Variants in CNGB1 observed in about 807,000 individuals in gnomAD.
CNGB1 encodes the protein cyclic nucleotide-gated channel beta-1.
Under a neutral mutation model 151.7 loss-of-function variants are expected in CNGB1, and 126 were observed. That is an observed-to-expected ratio of 0.83 (90% CI 0.72 to 0.96). The LOEUF (loss-of-function observed/expected upper bound fraction) is 0.96. CNGB1 is among the 40% of genes least tolerant of loss of function. The pLI, the probability that CNGB1 is intolerant of heterozygous loss-of-function variation, is 0.00. For missense variants in CNGB1, 1,698 were observed against 1,627.0 expected (o/e 1.04, Z -0.75); for synonymous variants, 623 against 635.1 (o/e 0.98, Z 0.29).
intron 25 of CNGB1, among the ~76,000 whole-genome samples, chr16:57,909,473 C>G (rs1173102153): frequency 6.6e-6 from 1 of 152,184 alleles, no homozygotes; most frequent in East Asian, 1.9e-4. Flanking sequence ...GCAACCTCCC[C>G]CTTCCGGGTT....
chr16:57,884,531 T>C, intron 32 of CNGB1, 74 bp from the exon 33 acceptor site: 2 of 1,549,548 alleles, frequency 1.3e-6, no homozygotes, highest in South Asian at 1.1e-5. Context: ...GACACCTCCC[T>C]GTTCCAGCCT....
Position 57,933,724 on chromosome 16 carries a change from CTT to C in CNGB1, c.1373-1848_1373-1847del, listed in dbSNP as rs5817126. Among the ~76,000 whole-genome samples the C allele has an allele frequency of 3.5e-3, 423 of 119,562 alleles. 1 individual carries two copies. The highest frequency in any genetic ancestry group is 8.9e-3 in the African/African-American group (309 of 34,646). The allele number at this position is 119,562 out of a possible 152,430, so 78.4% of individuals were successfully genotyped here. ...TGTTTCTTTTTCTTTCTTTTCTTTT[CTT>C]TTTTTTTTTTTTTTGAGATGGAGTC... On this transcript the variant is annotated intron_variant, in intron 16 of 32. Coordinates refer to ENST00000251102, the MANE Select transcript of CNGB1 (RefSeq NM_001297.5).
At chr16:57,914,505 A>G (rs1487106256) in intron 23 of CNGB1, among the ~76,000 whole-genome samples, 1 of 152,128 alleles carries the variant, frequency 6.6e-6, no homozygotes, top group African/African-American at 2.4e-5. Context: ...CATTTTTTGT[A>G]AATTCCCTCA....
At position 57,919,151 on chromosome 16, in the gene CNGB1, T is replaced by C. The variant is rs1159903994; in HGVS notation, c.1905A>G (p.Lys635=). 1 of 1,614,066 alleles carries C rather than the reference T, an allele frequency of 6.2e-7. No individual in the cohort carries two copies. The highest frequency in any genetic ancestry group is 8.5e-7 in the Non-Finnish European group (1 of 1,180,040). Residue 635 remains lysine, a synonymous_variant, in exon 20 of 33, where the codon AAA becomes AAG. Coordinates refer to ENST00000251102, the MANE Select transcript of CNGB1 (RefSeq NM_001297.5). ...ACTGGTACTTCTTCCAGGGGCGGTG[T>C]TTGAACTTGCAGCAGAGCATGTCGC... ...HYCDMLCCKF[K]HRPWKKYQFP... is the part of the protein sequence containing the mutation.
At chr16:57,904,667 T>TGGGG in intron 26 of CNGB1, 67 bp downstream of exon 26, 2 of 1,608,260 alleles carry the variant, frequency 1.2e-6, no homozygotes, top group Non-Finnish European at 1.7e-6. Flanking sequence ...AGGGTGACAT[T>TGGGG]TCTGGCAACA....
Position 57,915,313 on chromosome 16 carries a change from G to A in CNGB1, c.2240C>T (p.Pro747Leu). ...RFKMDLLSLLPLDFLYLKVGV... is the reference protein window; with the variant it reads ...RFKMDLLSLLLLDFLYLKVGV... ...GACTTTCAAATAGAGAAAATCCAAG[G>A]GCAGGAGGCTGAGCAGGTCCATCTG... is the stretch of plus-strand genomic sequence containing the variant. The change falls in exon 23 of 33, where the codon CCC (proline) becomes CTC (leucine). Residue 747 changes from proline (P) to leucine (L), a missense_variant. Transcript: ENST00000251102. 6.2e-7 allele frequency: 1 copy of A among 1,614,060 alleles called. No individual in the cohort carries two copies. The highest frequency in any genetic ancestry group is 1.1e-5 in the South Asian group (1 of 91,076).
At chr16:57,915,995 A>G (rs1596974942) in intron 22 of CNGB1, 134 bp downstream of exon 22, 1 of 849,800 alleles carries the variant, frequency 1.2e-6, no homozygotes, top group South Asian at 1.3e-5. Flanking sequence ...GGTTTGGAGG[A>G]CACTCCCACA....
In CNGB1 at chr16:57,939,502, C is replaced by T; in HGVS notation, c.1300G>A (p.Glu434Lys). 1 of 1,614,074 alleles carries T rather than the reference C, an allele frequency of 6.2e-7. No individual in the cohort carries two copies. Among genetic ancestry groups the T allele is most frequent in the African/African-American group, 1.3e-5 (1 of 75,038 alleles). Reference sequence around the variant, plus strand: ...TCCGCCCAGTCCTGGGGCTCCTTTTCAGCCTCCTCTTCAGCCACCTCCTCG... The same window carrying T: ...TCCGCCCAGTCCTGGGGCTCCTTTTTAGCCTCCTCTTCAGCCACCTCCTCG... Reference protein sequence around the residue: ...EAEEVAEEEAEKEPQDWAETK... With the variant: ...EAEEVAEEEAKKEPQDWAETK... Residue 434 changes from glutamate (E) to lysine (K), a missense_variant, in exon 16 of 33, where the codon GAA becomes AAA. Physicochemically the swap from Glu to Lys is moderately conservative, Grantham distance 56. Coordinates refer to ENST00000251102, the MANE Select transcript of CNGB1 (RefSeq NM_001297.5).
In CNGB1 at chr16:57,960,522, T is replaced by C. The variant is rs1160104748; in HGVS notation, c.543A>G (p.Arg181=). ...PQPPKSSEVW[R]DEPAVATGAA... ...CACCTGTAGCAACTGCAGGCTCATCTCTCCAGACCTGGGTGACAAACAGGG... is the reference window on the plus strand; with the variant it reads ...CACCTGTAGCAACTGCAGGCTCATCCCTCCAGACCTGGGTGACAAACAGGG... The change falls in exon 9 of 33, where the codon AGA becomes AGG. Residue 181 remains arginine, a synonymous_variant. Transcript: ENST00000251102. 1.2e-6 allele frequency: 2 copies of C among 1,613,534 alleles called. No homozygotes were observed. The highest frequency in any genetic ancestry group is 4.5e-5 in the East Asian group (2 of 44,848).
At position 57,921,217 on chromosome 16, in the gene CNGB1, C is replaced by CTTT. The variant is rs1185678390; in HGVS notation, c.1644-676_1644-674dup. On this transcript the variant is annotated intron_variant, in intron 18 of 32. Coordinates refer to ENST00000251102, the MANE Select transcript of CNGB1 (RefSeq NM_001297.5). ...AAGACGGGCTGGAGAAAATGAGGCT[C>CTTT]TTTTTTTTTTTTTTTTTTTTTTGAG... Among the ~76,000 whole-genome samples the CTTT allele has an allele frequency of 7.5e-3, 679 of 90,060 alleles. 21 individuals carry two copies. The highest frequency in any genetic ancestry group is 0.029 in the African/African-American group (579 of 19,844). 59.1% of individuals were successfully genotyped at this position (90,060 alleles called of 152,430 possible). A position where few individuals can be genotyped will look rare whatever the true frequency, so the allele number is the denominator to read the frequency against.
At chr16:57,897,165 G>A (rs1296854577) in intron 31 of CNGB1, among the ~76,000 whole-genome samples, 1 of 151,936 alleles carries the variant, frequency 6.6e-6, no homozygotes. Context: ...AGCTGGGAAT[G>A]GTGGTACGTG....
chr16:57,959,806 T>A (rs1962190558), intron 10 of CNGB1, 82 bp downstream of exon 10: 1 of 1,402,002 alleles, frequency 7.1e-7, no homozygotes, highest in South Asian at 1.7e-5. Flanking sequence ...TTCTTCCAGG[T>A]TTCCAGGAGG....
At chr16:57,967,064 G>C in intron 2 of CNGB1, 64 bp downstream of exon 2, 1 of 1,610,806 alleles carries the variant, frequency 6.2e-7, no homozygotes, top group Non-Finnish European at 8.5e-7. Context: ...AGAGCAGATG[G>C]CCCAAACTGG....
Position 57,923,239 on chromosome 16 carries a change from C to A in CNGB1, c.1643+34G>T. ...CCACATCCCCCACCCTCCCCGCAGT[C>A]TTTCAATTTTCTGAGACCCCAGAGG... is the stretch of plus-strand genomic sequence containing the variant. On this transcript the variant is annotated intron_variant, in intron 18 of 32. Coordinates refer to ENST00000251102, the MANE Select transcript of CNGB1 (RefSeq NM_001297.5). 4 of 1,306,310 alleles carry A rather than the reference C, an allele frequency of 3.1e-6. No individual in the cohort carries two copies. In the South Asian group the frequency reaches 3.6e-5, roughly 12 times the overall value. The allele number at this position is 1,306,310 out of a possible 1,614,324, so 80.9% of individuals were successfully genotyped here.
chr16:57,886,825 G>A (rs144424889), intron 32 of CNGB1, among the ~76,000 whole-genome samples: 9 of 152,264 alleles, frequency 5.9e-5, no homozygotes, highest in African/African-American at 9.6e-5. Context: ...GGTTTATGGG[G>A]GTGGGGACAT....
Position 57,887,984 on chromosome 16 carries a change from A to G in CNGB1, c.3333T>C (p.Ala1111=). Residue 1111 remains alanine, a synonymous_variant, in exon 32 of 33, where the codon GCT becomes GCC. Transcript: ENST00000251102. ...PRAGTPKLFN[A]ALAMTGKMGG... is the part of the protein sequence containing the mutation. ...CCATCTTTCCTGTCATAGCGAGGGC[A>G]GCGTTGAAGAGCTTTGGGGTGCCCG... 2 of 1,614,166 alleles carry G rather than the reference A, an allele frequency of 1.2e-6. No individual in the cohort carries two copies. Among genetic ancestry groups the G allele is most frequent in the Non-Finnish European group, 1.7e-6 (2 of 1,180,028 alleles).
rs561577895 is a variant in CNGB1 at position 57,910,672 on chromosome 16, C to A, written c.2492+1081G>T. ...TACAGGCGTGAGCCACCAAGCCCGG[C>A]CTTTTTTTTTTTTTTTTTTTTTTCC... On this transcript the variant is annotated intron_variant, in intron 25 of 32. Transcript: ENST00000251102. Among the ~76,000 whole-genome samples, 969 of 116,974 alleles carry A rather than the reference C, an allele frequency of 8.3e-3. 12 individuals are homozygous for A. The highest frequency in any genetic ancestry group is 0.035 in the African/African-American group (929 of 26,732). 76.7% of individuals were successfully genotyped at this position (116,974 alleles called of 152,430 possible). A position where few individuals can be genotyped will look rare whatever the true frequency, so the allele number is the denominator to read the frequency against.
In CNGB1 at chr16:57,903,815, A is replaced by G. The variant is rs746057353; in HGVS notation, c.2794+7T>C. 40 of 1,613,914 alleles carry G rather than the reference A, an allele frequency of 2.5e-5. No individual in the cohort carries two copies. The highest frequency in any genetic ancestry group is 5.0e-5 in the Admixed American group (3 of 60,006). ...AGCTGGTGGCTGCCAGGGCGTGACC[A>G]TCTTACCCAGCATGCCTTGCGAGTG... On this transcript the variant is annotated splice_region_variant and intron_variant, in intron 27 of 32. Transcript: ENST00000251102.
intron 14 of CNGB1, among the ~76,000 whole-genome samples, chr16:57,949,075 G>C (rs905717932): frequency 1.3e-5 from 2 of 151,974 alleles, no homozygotes; most frequent in Non-Finnish European, 2.9e-5. Context: ...TAGGGACATG[G>C]CAGTGAAAGC....
Sources: gnomAD v4.1 joint callset for allele counts (sites outside exome capture counted in the v4.1 genomes callset) on GRCh38, gnomAD v4.1.1 for gene constraint, MANE v1.5 for transcripts, NCBI Gene and HGNC (gene_info 2026-07-23, HGNC 2026-07-21) for gene names.